The following PTPRD variants were observed in gnomAD, a reference collection of about 807,000 sequenced individuals.
The protein encoded by PTPRD is protein tyrosine phosphatase receptor type D.
PTPRD carries 34 observed loss-of-function variants against 214.5 expected under a neutral mutation model. That is an observed-to-expected ratio of 0.16 (90% CI 0.12 to 0.21). The LOEUF is 0.21. PTPRD is among the 10% of genes least tolerant of loss of function. The pLI is 1.00. For missense variants in PTPRD, 2,545 were observed against 2,398.7 expected (o/e 1.06, Z -1.27); for synonymous variants, 1,128 against 845.7 (o/e 1.33, Z -5.79).
intron 14 of PTPRD, among the ~76,000 whole-genome samples, chr9:8,621,662 GT>G (rs1284897423): frequency 8.4e-4 from 128 of 151,936 alleles, no homozygotes; most frequent in Non-Finnish European, 1.6e-3. Context: ...GCCAGTGAGT[GT>G]TAACTTTATT....
chr9:10,296,472 A>G lies in PTPRD; in HGVS notation c.-545+44491T>C, dbSNP rs185895762. Among the ~76,000 whole-genome samples, 17 of 152,226 alleles carry G rather than the reference A, an allele frequency of 1.1e-4. No individual in the cohort carries two copies. In the East Asian group the frequency reaches 2.9e-3, roughly 26 times the overall value. ...TACCCCAACCTAATTTGTATTTTCT[A>G]ACACATGGTTAAATTTCTTCTCTGC... On this transcript the variant is annotated intron_variant, in intron 3 of 45. Transcript: ENST00000381196.
Position 9,399,673 on chromosome 9 carries a change from T to C in PTPRD, c.-236-2191A>G, listed in dbSNP as rs2069399877. Reference sequence around the variant, plus strand: ...GCGGGTCTTTCCCATGTGGTTCTCATGATAGTGAAGAGGTCTCATGAGATC... The same window carrying C: ...GCGGGTCTTTCCCATGTGGTTCTCACGATAGTGAAGAGGTCTCATGAGATC... On this transcript the variant is annotated intron_variant, in intron 8 of 45. Transcript: ENST00000381196. Among the ~76,000 whole-genome samples the C allele has an allele frequency of 3.3e-5, 5 of 152,004 alleles. No homozygotes were observed. The South Asian group carries it at 1.0e-3, about 31-fold the overall frequency.
chr9:9,132,377 C>G (rs2099844214), intron 10 of PTPRD, among the ~76,000 whole-genome samples: 1 of 152,052 alleles, frequency 6.6e-6, no homozygotes. Context: ...CCATCTGTAC[C>G]TAATCTGCAA....
At chr9:9,859,376 G>C (rs2062208033) in intron 5 of PTPRD, among the ~76,000 whole-genome samples, 1 of 152,180 alleles carries the variant, frequency 6.6e-6, no homozygotes, top group South Asian at 2.1e-4. Context: ...AGATTCTAAA[G>C]TTGAGTCTGA....
intron 2 of PTPRD, among the ~76,000 whole-genome samples, chr9:10,367,834 A>T (rs968559397): frequency 1.3e-5 from 2 of 152,116 alleles, no homozygotes; most frequent in African/African-American, 4.8e-5. Context: ...AACTTGTAGG[A>T]AAGTACTTTA....
intron 14 of PTPRD, among the ~76,000 whole-genome samples, chr9:8,548,865 T>C (rs2081135412): frequency 6.6e-6 from 1 of 151,570 alleles, no homozygotes; most frequent in Non-Finnish European, 1.5e-5. Flanking sequence ...CAGCTAATTT[T>C]GTATTTTTAG....
At chr9:8,965,996 G>A (rs1413866918) in intron 11 of PTPRD, among the ~76,000 whole-genome samples, 2 of 152,018 alleles carry the variant, frequency 1.3e-5, no homozygotes, top group East Asian at 3.9e-4. Context: ...CACCAATAAT[G>A]ATGAAGCTAA....
intron 4 of PTPRD, among the ~76,000 whole-genome samples, chr9:10,015,431 C>T (rs2096685623): frequency 6.6e-6 from 1 of 152,060 alleles, no homozygotes; most frequent in Non-Finnish European, 1.5e-5. Flanking sequence ...ACTCAAATTA[C>T]TCATGCCTCG....
intron 10 of PTPRD, among the ~76,000 whole-genome samples, chr9:9,030,056 G>T (rs1275312393): frequency 6.6e-6 from 1 of 151,814 alleles, no homozygotes; most frequent in African/African-American, 2.4e-5. Flanking sequence ...CAAGAAAATG[G>T]GAAGAGAACA....
chr9:8,857,748 C>G (rs917761233), intron 11 of PTPRD: 6 of 155,714 alleles, frequency 3.9e-5, no homozygotes, highest in Non-Finnish European at 8.5e-5. Context: ...CTCCGGGCGG[C>G]CAATTTAATC....
chr9:10,264,132 G>C (rs1449133004), intron 3 of PTPRD, among the ~76,000 whole-genome samples: 4 of 152,176 alleles, frequency 2.6e-5, no homozygotes, highest in South Asian at 2.1e-4. Flanking sequence ...TTTGCTTCAG[G>C]AGTGGAGTCC....
chr9:10,060,897 CTTCTTTCTTTCT>C (rs369686972), intron 3 of PTPRD, among the ~76,000 whole-genome samples: 4,896 of 70,086 alleles, frequency 0.07, 277 homozygotes, highest in Admixed American at 0.16. Flanking sequence ...TCCTTCCTTC[CTTCTTTCTTTCT>C]TTCTTTCTTT....
chr9:9,819,989 T>A (rs2050156100), intron 5 of PTPRD, among the ~76,000 whole-genome samples: 1 of 152,300 alleles, frequency 6.6e-6, no homozygotes, highest in Non-Finnish European at 1.5e-5. Context: ...AACAGTTTGC[T>A]TTGGATATAT....
intron 7 of PTPRD, among the ~76,000 whole-genome samples, chr9:9,650,520 C>A (rs1260547145): frequency 6.6e-6 from 1 of 152,018 alleles, no homozygotes; most frequent in South Asian, 2.1e-4. Context: ...CTGAAATTTT[C>A]TTTTTTTGTT....
chr9:9,772,383 T>C (rs899356693), intron 5 of PTPRD, among the ~76,000 whole-genome samples: 1 of 152,214 alleles, frequency 6.6e-6, no homozygotes, highest in Non-Finnish European at 1.5e-5. Flanking sequence ...TCTAGTAAAC[T>C]AATACAACTG....
chr9:9,825,895 C>A (rs917519011), intron 5 of PTPRD, among the ~76,000 whole-genome samples: 1 of 151,444 alleles, frequency 6.6e-6, no homozygotes, highest in Non-Finnish European at 1.5e-5. Context: ...CACATTTATT[C>A]TTTTTTCTTT....
chr9:10,576,723 C>T (rs2132207966), intron 2 of PTPRD, among the ~76,000 whole-genome samples: 1 of 152,168 alleles, frequency 6.6e-6, no homozygotes, highest in African/African-American at 2.4e-5. Context: ...TTCAATATGC[C>T]ATATGTTCAA....
At chr9:9,765,778 T>C (rs1227958681) in intron 6 of PTPRD, among the ~76,000 whole-genome samples, 1 of 152,064 alleles carries the variant, frequency 6.6e-6, no homozygotes, top group African/African-American at 2.4e-5. Flanking sequence ...CTCCTGCCAC[T>C]GCCTCCTGAG....
chr9:10,201,515 G>C (rs1323115509), intron 3 of PTPRD, among the ~76,000 whole-genome samples: 2 of 152,080 alleles, frequency 1.3e-5, no homozygotes, highest in East Asian at 3.9e-4. Flanking sequence ...GTATGCATAG[G>C]AGTATATTTA....
Sources: gnomAD v4.1 joint callset for allele counts (sites outside exome capture counted in the v4.1 genomes callset) on GRCh38, gnomAD v4.1.1 for gene constraint, MANE v1.5 for transcripts, NCBI Gene and HGNC (gene_info 2026-07-23, HGNC 2026-07-21) for gene names.